Variants in DPY19L3 observed in about 807,000 individuals in gnomAD.
The protein encoded by DPY19L3 is dpy-19 like C-mannosyltransferase 3.
DPY19L3 carries 51 observed loss-of-function variants against 92.3 expected under a neutral mutation model. The ratio of observed to expected loss-of-function variants is 0.55; its 90% CI spans 0.44 to 0.70. The LOEUF (loss-of-function observed/expected upper bound fraction) is 0.70, where lower values mean the gene tolerates loss of function less well. Ranked by LOEUF, DPY19L3 falls within the 30% of genes least tolerant of loss-of-function variation. The pLI, the probability that DPY19L3 is intolerant of heterozygous loss-of-function variation, is 0.00. For missense variants in DPY19L3, 706 were observed against 855.9 expected (o/e 0.82, Z 2.18); for synonymous variants, 309 against 315.2 (o/e 0.98, Z 0.21).
At chr19:32,477,050 T>A (rs1390747746) in intron 16 of DPY19L3, among the ~76,000 whole-genome samples, 1 of 152,186 alleles carries the variant, frequency 6.6e-6, no homozygotes, top group African/African-American at 2.4e-5. Flanking sequence ...TTAAGTTCAA[T>A]ACGCAAAGCA....
chr19:32,409,543 A>C (rs913180556), intron 2 of DPY19L3, among the ~76,000 whole-genome samples: 1 of 152,182 alleles, frequency 6.6e-6, no homozygotes, highest in Non-Finnish European at 1.5e-5. Flanking sequence ...TTCTGTTGCT[A>C]TAAAGGAATA....
At chr19:32,415,920 C>A (rs1968363040) in intron 3 of DPY19L3, among the ~76,000 whole-genome samples, 1 of 152,148 alleles carries the variant, frequency 6.6e-6, no homozygotes, top group African/African-American at 2.4e-5. Flanking sequence ...GTAAAGCCGA[C>A]CACTTTGAGG....
Position 32,480,389 on chromosome 19 carries a change from C to A in DPY19L3, c.1831-10C>A. ...CATTTGCCACATTGCATTTTTATGT[C>A]TTTTTGAAGGTTTATCAGATATATG... On this transcript the variant is annotated splice_polypyrimidine_tract_variant and intron_variant, in intron 17 of 18. Coordinates refer to ENST00000392250, the MANE Select transcript of DPY19L3 (RefSeq NM_001172774.2). 1 of 1,600,424 alleles carries A rather than the reference C, an allele frequency of 6.2e-7. No homozygotes were observed.
chr19:32,443,599 G>T (rs941754493), intron 8 of DPY19L3, among the ~76,000 whole-genome samples: 2 of 152,078 alleles, frequency 1.3e-5, no homozygotes, highest in South Asian at 4.1e-4. Flanking sequence ...GCCAGCCTCC[G>T]GAACTATGAG....
Position 32,436,553 on chromosome 19 carries a change from GT to G in DPY19L3, c.438del (p.Leu147TyrfsTer7). On this transcript the variant is annotated frameshift_variant, in exon 5 of 19. Coordinates refer to ENST00000392250, the MANE Select transcript of DPY19L3 (RefSeq NM_001172774.2). LOFTEE classifies it high-confidence loss of function. ...GGTTTTTCTCAGTATTTTATATAGA[GT>G]TCTACCCATACAGGTATGTTTTGTG... ...QEVFLSILYR[V>X]LPIQKYLEPV... is the part of the protein sequence containing the mutation. The G allele has an allele frequency of 6.5e-7, 1 of 1,548,304 alleles. No individual in the cohort carries two copies.
intron 17 of DPY19L3, among the ~76,000 whole-genome samples, chr19:32,478,689 A>G (rs1298098073): frequency 6.6e-6 from 1 of 152,152 alleles, no homozygotes; most frequent in East Asian, 1.9e-4. Flanking sequence ...TCGGCATTTA[A>G]TGTGTTTTGG....
chr19:32,441,494 C>CTTTTTTTTTTTTTT (rs11326098), intron 8 of DPY19L3, among the ~76,000 whole-genome samples: 1 of 130,212 alleles, frequency 7.7e-6, no homozygotes, highest in Non-Finnish European at 1.6e-5. Context: ...ACATGTGTCT[C>CTTTTTTTTTTTTTT]TTTTTTTTTT....
At chr19:32,423,504 G>A (rs1264728031) in intron 3 of DPY19L3, among the ~76,000 whole-genome samples, 3 of 149,722 alleles carry the variant, frequency 2.0e-5, no homozygotes, top group Non-Finnish European at 1.5e-5. Context: ...AGCTCAGGCA[G>A]TCCATCCACT....
intron 8 of DPY19L3, among the ~76,000 whole-genome samples, chr19:32,445,440 C>CAAAAAAAAAAAAAA (rs71336904): frequency 0.038 from 1,637 of 42,816 alleles, 418 homozygotes; most frequent in South Asian, 0.048. Flanking sequence ...GACTTCATCT[C>CAAAAAAAAAAAAAA]AAAAAAAAAA....
intron 2 of DPY19L3, 53 bp from the exon 3 acceptor site, chr19:32,411,186 C>A: frequency 2.6e-6 from 4 of 1,550,346 alleles, no homozygotes; most frequent in Non-Finnish European, 3.5e-6. Context: ...AGAACTATTA[C>A]ATTCTGATTT....
At chr19:32,473,832 G>T (rs940372989) in intron 16 of DPY19L3, among the ~76,000 whole-genome samples, 1 of 152,154 alleles carries the variant, frequency 6.6e-6, no homozygotes, top group Non-Finnish European at 1.5e-5. Flanking sequence ...TTTTGAGATG[G>T]AATCTCTGTC....
chr19:32,431,753 G>A lies in DPY19L3; in HGVS notation c.238-963G>A, dbSNP rs540719480. Among the ~76,000 whole-genome samples, 10 of 152,230 alleles carry A rather than the reference G, an allele frequency of 6.6e-5. No homozygotes were observed. In the South Asian group the frequency reaches 2.1e-3, roughly 32 times the overall value. On this transcript the variant is annotated intron_variant, in intron 3 of 18. Transcript: ENST00000392250. ...GACACTGAACCATCAGAAAACAAAG[G>A]TGTCACTATCTCAACCATCCCAGTG...
chr19:32,419,537 G>T (rs943043350), intron 3 of DPY19L3, among the ~76,000 whole-genome samples: 5 of 151,716 alleles, frequency 3.3e-5, no homozygotes, highest in African/African-American at 1.2e-4. Context: ...CAAGGTCACT[G>T]CAACCTTGAA....
At chr19:32,407,787 A>T (rs1968026650) in intron 1 of DPY19L3, among the ~76,000 whole-genome samples, 1 of 152,186 alleles carries the variant, frequency 6.6e-6, no homozygotes, top group African/African-American at 2.4e-5. Flanking sequence ...GCCAGCAACG[A>T]TTTAGATGGC....
intron 10 of DPY19L3, among the ~76,000 whole-genome samples, chr19:32,456,404 T>A (rs1969867660): frequency 6.6e-6 from 1 of 152,028 alleles, no homozygotes; most frequent in Non-Finnish European, 1.5e-5. Context: ...AGTCAAGTAC[T>A]TATCAATAAT....
At chr19:32,447,816 TTAGA>T (rs1555721981) in intron 8 of DPY19L3, among the ~76,000 whole-genome samples, 1,528 of 89,894 alleles carry the variant, frequency 0.017, 11 homozygotes, top group Non-Finnish European at 0.024. Context: ...GATAGATAGA[TTAGA>T]TAGATAGATA....
chr19:32,457,190 A>G (rs930583667), intron 10 of DPY19L3, among the ~76,000 whole-genome samples: 1 of 152,160 alleles, frequency 6.6e-6, no homozygotes, highest in South Asian at 2.1e-4. Flanking sequence ...ATTGCATTTG[A>G]TGTTTTGCCA....
At chr19:32,448,004 T>A (rs1969572724) in intron 8 of DPY19L3, among the ~76,000 whole-genome samples, 1 of 152,182 alleles carries the variant, frequency 6.6e-6, no homozygotes, top group Non-Finnish European at 1.5e-5. Flanking sequence ...GCTTAATGGA[T>A]ATAATTCACA....
chr19:32,480,372 A>G (rs765287746), intron 17 of DPY19L3, 27 bp from the exon 18 acceptor site: 1 of 1,595,708 alleles, frequency 6.3e-7, no homozygotes, highest in South Asian at 1.1e-5. Context: ...AGCATTTGCC[A>G]CATTGCATTT....
Sources: gnomAD v4.1 joint callset for allele counts (sites outside exome capture counted in the v4.1 genomes callset) on GRCh38, gnomAD v4.1.1 for gene constraint, MANE v1.5 for transcripts, NCBI Gene and HGNC (gene_info 2026-07-23, HGNC 2026-07-21) for gene names.